Variants in MDGA2 observed in about 807,000 individuals in gnomAD.
MDGA2 encodes MAM domain-containing glycosylphosphatidylinositol anchor protein 2.
Under a neutral mutation model 117.8 loss-of-function variants are expected in MDGA2, and 40 were observed. The observed-to-expected ratio is 0.34, with a 90% CI of 0.26 to 0.44. The LOEUF (loss-of-function observed/expected upper bound fraction) is 0.44. Ranked by LOEUF, MDGA2 falls within the 20% of genes least tolerant of loss-of-function variation. The pLI, the probability that MDGA2 is intolerant of heterozygous loss-of-function variation, is 1.00. For synonymous variants in MDGA2, 452 were observed against 439.0 expected, an observed-to-expected ratio of 1.03 and a Z score of -0.37; for missense variants, 1,123 against 1,250.6, an observed-to-expected ratio of 0.90 and a Z score of 1.54.
chr14:47,071,637 T>C (rs757757220), intron 6 of MDGA2, among the ~76,000 whole-genome samples: 1 of 152,110 alleles, frequency 6.6e-6, no homozygotes, highest in Non-Finnish European at 1.5e-5. Context: ...TTTTCCATCC[T>C]GTACAATTGT....
At chr14:47,659,689 T>C (rs1253846978) in intron 1 of MDGA2, among the ~76,000 whole-genome samples, 2 of 152,200 alleles carry the variant, frequency 1.3e-5, no homozygotes, top group Non-Finnish European at 2.9e-5. Context: ...AAATAGAGCA[T>C]GCATCTAATA....
intron 3 of MDGA2, among the ~76,000 whole-genome samples, chr14:47,214,528 A>G (rs1420892067): frequency 6.6e-6 from 1 of 152,114 alleles, no homozygotes; most frequent in Non-Finnish European, 1.5e-5. Context: ...TATAAAATCT[A>G]TATACCTTAA....
chr14:46,969,957 T>C (rs189053751), intron 8 of MDGA2, among the ~76,000 whole-genome samples: 73,981 of 138,096 alleles, frequency 0.54, 20,668 homozygotes, highest in Middle Eastern at 0.61. Context: ...TATATATATA[T>C]ATATATATAT....
At chr14:47,136,806 C>T (rs549684517) in intron 4 of MDGA2, among the ~76,000 whole-genome samples, 1 of 152,216 alleles carries the variant, frequency 6.6e-6, no homozygotes, top group African/African-American at 2.4e-5. Context: ...TTTTAGTAAG[C>T]TTCCTGAACC....
At position 47,198,071 on chromosome 14, in the gene MDGA2, A is replaced by T. The variant is rs1047460176; in HGVS notation, c.595+19950T>A. Among the ~76,000 whole-genome samples, 4 of 152,194 alleles carry T rather than the reference A, an allele frequency of 2.6e-5. No individual in the cohort carries two copies. The East Asian group carries it at 7.7e-4, about 29-fold the overall frequency. On this transcript the variant is annotated intron_variant, in intron 3 of 16. Transcript: ENST00000399232. ...AAAAATGTATTTTTTTTACTTAAAA[A>T]ATATTCATAGCCATGTAATTATATC...
chr14:47,092,726 C>G (rs2138955990), intron 6 of MDGA2, among the ~76,000 whole-genome samples: 1 of 152,160 alleles, frequency 6.6e-6, no homozygotes, highest in South Asian at 2.1e-4. Flanking sequence ...CTCTCATAGT[C>G]TATTGGTAAG....
At chr14:47,091,439 T>C (rs1364053606) in intron 6 of MDGA2, among the ~76,000 whole-genome samples, 1 of 152,094 alleles carries the variant, frequency 6.6e-6, no homozygotes, top group Non-Finnish European at 1.5e-5. Flanking sequence ...AATCATGGTA[T>C]GGAAATTAGA....
chr14:46,918,687 C>T (rs773111207), intron 10 of MDGA2, among the ~76,000 whole-genome samples: 5 of 150,546 alleles, frequency 3.3e-5, no homozygotes, highest in Non-Finnish European at 7.4e-5. Context: ...AGGATGTTTT[C>T]ACTAGGAAAA....
Position 47,484,304 on chromosome 14 carries a change from G to A in MDGA2, c.281-182754C>T, listed in dbSNP as rs112870335. On this transcript the variant is annotated intron_variant, in intron 1 of 16. Coordinates refer to ENST00000399232, the MANE Select transcript of MDGA2 (RefSeq NM_001113498.3). Reference sequence around the variant, plus strand: ...CACAACTAGATGTGAAATACATTTGGTCTTCAGTTTTCATACAAATATAGA... The same window carrying A: ...CACAACTAGATGTGAAATACATTTGATCTTCAGTTTTCATACAAATATAGA... Among the ~76,000 whole-genome samples the A allele has an allele frequency of 6.2e-4, 94 of 152,106 alleles. 1 individual carries two copies. The highest frequency in any genetic ancestry group is 2.2e-3 in the African/African-American group (90 of 41,476).
At chr14:47,130,549 C>T (rs556838292) in intron 5 of MDGA2, among the ~76,000 whole-genome samples, 41 of 152,128 alleles carry the variant, frequency 2.7e-4, no homozygotes, top group Non-Finnish European at 4.6e-4. Context: ...GAACCAATGT[C>T]ATAGTTGACT....
intron 1 of MDGA2, among the ~76,000 whole-genome samples, chr14:47,582,946 T>C (rs533718085): frequency 5.7e-4 from 87 of 152,000 alleles, no homozygotes; most frequent in African/African-American, 2.0e-3. Flanking sequence ...CAAATGTACA[T>C]CTTATCGTGA....
At chr14:47,147,306 A>T (rs1285609500) in intron 3 of MDGA2, among the ~76,000 whole-genome samples, 2 of 152,110 alleles carry the variant, frequency 1.3e-5, no homozygotes, top group Non-Finnish European at 2.9e-5. Flanking sequence ...GAGAAAACAG[A>T]TTCAGAGATG....
chr14:47,059,351 A>C, intron 7 of MDGA2: 1 of 1,260,768 alleles, frequency 7.9e-7, no homozygotes, highest in Non-Finnish European at 1.0e-6. Context: ...GAAGAAGTCA[A>C]TATATTTCTT....
At chr14:47,340,846 T>G (rs944247123) in intron 1 of MDGA2, among the ~76,000 whole-genome samples, 1 of 152,208 alleles carries the variant, frequency 6.6e-6, no homozygotes, top group African/African-American at 2.4e-5. Flanking sequence ...ATTTCAGAGA[T>G]AGAATTAAGT....
rs1263303541 is a variant in MDGA2, at chr14:47,492,380, C to T, written c.280+182137G>A. 1.3e-5 allele frequency among the ~76,000 whole-genome samples: 2 copies of T among 152,002 alleles called. 1 individual carries two copies. Among genetic ancestry groups the T allele is most frequent in the African/African-American group, 4.8e-5 (2 of 41,378 alleles). ...TTAAGTACAATGTTCAATCTTTGTT[C>T]TGCAGACAATGCAAATATTAATCAG... is the stretch of plus-strand genomic sequence containing the variant. On this transcript the variant is annotated intron_variant, in intron 1 of 16. Coordinates refer to ENST00000399232, the MANE Select transcript of MDGA2 (RefSeq NM_001113498.3).
intron 1 of MDGA2, among the ~76,000 whole-genome samples, chr14:47,544,339 A>G (rs1168708377): frequency 6.6e-6 from 1 of 152,194 alleles, no homozygotes; most frequent in African/African-American, 2.4e-5. Flanking sequence ...TAAAACTTGT[A>G]GTTATGGGCT....
At chr14:47,329,933 C>A (rs908500174) in intron 1 of MDGA2, among the ~76,000 whole-genome samples, 2 of 151,858 alleles carry the variant, frequency 1.3e-5, no homozygotes, top group Non-Finnish European at 2.9e-5. Context: ...GGAAAAAATC[C>A]TCTATATTTA....
intron 8 of MDGA2, among the ~76,000 whole-genome samples, chr14:47,009,571 C>T (rs1000041444): frequency 2.6e-5 from 4 of 152,016 alleles, no homozygotes; most frequent in Admixed American, 2.0e-4. Flanking sequence ...AAAGGCAGAT[C>T]TATAGCAACT....
chr14:47,362,049 T>A (rs1891137857), intron 1 of MDGA2, among the ~76,000 whole-genome samples: 1 of 152,190 alleles, frequency 6.6e-6, no homozygotes, highest in Non-Finnish European at 1.5e-5. Context: ...ACAGCATACA[T>A]CTATTTGCAT....
Sources: gnomAD v4.1 joint callset for allele counts (sites outside exome capture counted in the v4.1 genomes callset) on GRCh38, gnomAD v4.1.1 for gene constraint, MANE v1.5 for transcripts, NCBI Gene and HGNC (gene_info 2026-07-23, HGNC 2026-07-21) for gene names.